The following ANKS1B variants were observed in gnomAD, a reference collection of about 807,000 sequenced individuals.
ANKS1B encodes ankyrin repeat and sterile alpha motif domain-containing protein 1B.
A neutral mutation model predicts 148.3 loss-of-function variants in ANKS1B; 36 were observed. The ratio of observed to expected loss-of-function variants is 0.24; its 90% CI spans 0.19 to 0.32. The LOEUF (loss-of-function observed/expected upper bound fraction) is 0.32, where lower values mean the gene tolerates loss of function less well. ANKS1B is among the 10% of genes least tolerant of loss of function. ANKS1B has a pLI of 1.00. For synonymous variants in ANKS1B, 542 were observed against 560.8 expected (o/e 0.97, Z 0.47); for missense variants, 1,157 against 1,542.6 (o/e 0.75, Z 4.19).
intron 9 of ANKS1B, among the ~76,000 whole-genome samples, chr12:99,553,111 G>A (rs1045822583): frequency 2.0e-5 from 3 of 152,094 alleles, no homozygotes; most frequent in African/African-American, 7.2e-5. Flanking sequence ...AAACATTCAT[G>A]CATATATTTT....
At chr12:99,780,677 T>C (rs539312538) in intron 5 of ANKS1B, among the ~76,000 whole-genome samples, 1 of 152,190 alleles carries the variant, frequency 6.6e-6, no homozygotes, top group South Asian at 2.1e-4. Context: ...TCCTAAAGTA[T>C]AATGGTCATG....
chr12:98,945,770 C>T (rs2099844526), intron 17 of ANKS1B, among the ~76,000 whole-genome samples: 4 of 152,160 alleles, frequency 2.6e-5, no homozygotes, highest in Admixed American at 2.6e-4. Context: ...GTGCAATCCA[C>T]ATCAACACTT....
chr12:99,757,091 T>C (rs1314821878), intron 8 of ANKS1B, among the ~76,000 whole-genome samples: 1 of 151,744 alleles, frequency 6.6e-6, no homozygotes, highest in South Asian at 2.1e-4. Context: ...AAAGCAAAAA[T>C]TGACAAATGG....
At chr12:99,531,384 C>A (rs1406965788) in intron 9 of ANKS1B, among the ~76,000 whole-genome samples, 1 of 152,118 alleles carries the variant, frequency 6.6e-6, no homozygotes, top group Non-Finnish European at 1.5e-5. Flanking sequence ...TTCTGAGTCT[C>A]CAGTGTCAAC....
chr12:99,545,357 C>T (rs1401187787), intron 9 of ANKS1B, among the ~76,000 whole-genome samples: 1 of 152,052 alleles, frequency 6.6e-6, no homozygotes, highest in African/African-American at 2.4e-5. Context: ...TTTTTCCTGT[C>T]TTTTAACTCT....
intron 17 of ANKS1B, chr12:98,895,054 C>A (rs2099761929): frequency 1.1e-6 from 1 of 933,466 alleles, no homozygotes; most frequent in South Asian, 4.8e-5. Flanking sequence ...GCTGCGCTCT[C>A]CATTGTTCCG....
chr12:99,705,731 T>A (rs1233037376), intron 8 of ANKS1B, among the ~76,000 whole-genome samples: 1 of 151,922 alleles, frequency 6.6e-6, no homozygotes, highest in African/African-American at 2.4e-5. Flanking sequence ...AATCCCCAAA[T>A]GATGGAGAAG....
chr12:99,470,789 C>T (rs1017152049), intron 10 of ANKS1B, among the ~76,000 whole-genome samples: 2 of 152,010 alleles, frequency 1.3e-5, no homozygotes, highest in Non-Finnish European at 2.9e-5. Flanking sequence ...ATGGAAATTG[C>T]CAATTATAAA....
chr12:99,254,948 T>A (rs2075084316), intron 12 of ANKS1B, among the ~76,000 whole-genome samples: 1 of 152,222 alleles, frequency 6.6e-6, no homozygotes, highest in Non-Finnish European at 1.5e-5. Context: ...TCTATGTTCA[T>A]GAAAGAAATA....
intron 15 of ANKS1B, among the ~76,000 whole-genome samples, chr12:99,101,143 C>G (rs909388438): frequency 2.6e-5 from 4 of 152,116 alleles, no homozygotes; most frequent in East Asian, 1.9e-4. Flanking sequence ...AGGTAGCCAG[C>G]CTTGTAAGCG....
At chr12:99,911,214 A>T (rs2093995598) in intron 1 of ANKS1B, among the ~76,000 whole-genome samples, 1 of 152,162 alleles carries the variant, frequency 6.6e-6, no homozygotes, top group Non-Finnish European at 1.5e-5. Flanking sequence ...TGTAAGGGCA[A>T]TTGAGTCTCA....
At chr12:99,721,192 G>A (rs1412563277) in intron 8 of ANKS1B, among the ~76,000 whole-genome samples, 5 of 152,012 alleles carry the variant, frequency 3.3e-5, no homozygotes, top group East Asian at 3.9e-4. Context: ...AGGTTCCCAC[G>A]CCGCCCCTAA....
intron 17 of ANKS1B, among the ~76,000 whole-genome samples, chr12:98,977,554 C>A (rs1298835801): frequency 2.6e-5 from 4 of 152,134 alleles, no homozygotes; most frequent in African/African-American, 9.7e-5. Context: ...ATGTGATCAT[C>A]AAACTCTGAT....
At chr12:99,528,389 T>TA (rs2096950386) in intron 9 of ANKS1B, among the ~76,000 whole-genome samples, 1 of 133,858 alleles carries the variant, frequency 7.5e-6, no homozygotes. Flanking sequence ...CTAATTAAAC[T>TA]AAAGAGCTTC....
intron 16 of ANKS1B, among the ~76,000 whole-genome samples, chr12:99,084,097 G>A (rs1001208900): frequency 1.3e-5 from 2 of 152,154 alleles, no homozygotes; most frequent in Admixed American, 6.5e-5. Context: ...GACTAGGAGG[G>A]CCTATACATG....
intron 12 of ANKS1B, among the ~76,000 whole-genome samples, chr12:99,265,447 C>T (rs1322912229): frequency 6.6e-6 from 1 of 152,016 alleles, no homozygotes; most frequent in Non-Finnish European, 1.5e-5. Context: ...TGCTCTAGAA[C>T]ATCTTGGGGT....
At chr12:99,150,576 A>T (rs1669888493) in intron 15 of ANKS1B, among the ~76,000 whole-genome samples, 1 of 152,130 alleles carries the variant, frequency 6.6e-6, no homozygotes, top group Non-Finnish European at 1.5e-5. Context: ...CAAAGTTATT[A>T]AGATAAGAAT....
At chr12:99,711,982 G>A (rs1194010555) in intron 8 of ANKS1B, among the ~76,000 whole-genome samples, 1 of 152,092 alleles carries the variant, frequency 6.6e-6, no homozygotes, top group Non-Finnish European at 1.5e-5. Flanking sequence ...AAGAAAATAT[G>A]CTACCTATAC....
At chr12:99,019,082 A>T (rs1231592060) in intron 17 of ANKS1B, among the ~76,000 whole-genome samples, 1 of 152,224 alleles carries the variant, frequency 6.6e-6, no homozygotes, top group East Asian at 1.9e-4. Flanking sequence ...TTTTGTCACA[A>T]GTGCTCTTTA....
Sources: allele counts gnomAD v4.1 joint callset (sites outside exome capture counted in the v4.1 genomes callset), GRCh38; gene constraint gnomAD v4.1.1; transcripts MANE v1.5; gene names NCBI Gene and HGNC (gene_info 2026-07-23, HGNC 2026-07-21).